The following TMEM154 variants were observed in gnomAD, a reference collection of about 807,000 sequenced individuals.
TMEM154 encodes the protein transmembrane protein 154.
In TMEM154, 27 loss-of-function variants were observed where a neutral mutation model predicts 24.5. That is an observed-to-expected ratio of 1.10 (90% CI 0.81 to 1.52). The LOEUF (loss-of-function observed/expected upper bound fraction) is 1.52, where lower values mean the gene tolerates loss of function less well. Among genes scored for constraint, TMEM154 ranks in the 40% most tolerant of loss-of-function variants. The pLI, the probability that TMEM154 is intolerant of heterozygous loss-of-function variation, is 0.00. For missense variants in TMEM154, 228 were observed against 213.4 expected (o/e 1.07, Z -0.43); for synonymous variants, 67 against 76.8 (o/e 0.87, Z 0.67).
chr4:152,637,619 G>A (rs1752175522), intron 6 of TMEM154, among the ~76,000 whole-genome samples: 2 of 152,032 alleles, frequency 1.3e-5, no homozygotes, highest in South Asian at 4.1e-4. Context: ...TGTGAAACTA[G>A]AAGGACAGAT....
chr4:152,669,943 C>T (rs1728793533), intron 1 of TMEM154: 1 of 152,210 alleles, frequency 6.6e-6, no homozygotes, highest in South Asian at 2.1e-4. Context: ...TTTTCCTCAA[C>T]AACTGGAGTA....
intron 6 of TMEM154, among the ~76,000 whole-genome samples, chr4:152,636,915 T>A (rs895725643): frequency 6.6e-6 from 1 of 152,254 alleles, no homozygotes; most frequent in African/African-American, 2.4e-5. Context: ...GACTGTTACA[T>A]ACTTTCTGAA....
intron 1 of TMEM154, among the ~76,000 whole-genome samples, chr4:152,663,502 G>GAT (rs1305714652): frequency 6.6e-5 from 10 of 152,222 alleles, no homozygotes; most frequent in Admixed American, 1.3e-4. Context: ...TTCATGCCCT[G>GAT]CATGGGACCA....
At chr4:152,673,210 A>T (rs546087291) in intron 1 of TMEM154, among the ~76,000 whole-genome samples, 2 of 152,318 alleles carry the variant, frequency 1.3e-5, no homozygotes. Flanking sequence ...TTGGTTGTTT[A>T]AACATGTTTA....
intron 1 of TMEM154, among the ~76,000 whole-genome samples, chr4:152,661,498 G>T (rs775557441): frequency 5.9e-5 from 9 of 152,110 alleles, no homozygotes; most frequent in Non-Finnish European, 1.3e-4. Flanking sequence ...ACTGAATCTT[G>T]AATGTCTTGC....
chr4:152,661,327 TCTCTCTCTCTC>T lies in TMEM154; in HGVS notation c.65-8411_65-8401del, dbSNP rs1728604728. On this transcript the variant is annotated intron_variant, in intron 1 of 6. Transcript: ENST00000304385. ...CTCTCTCTCTCTCTCTCTCTCTCTC[TCTCTCTCTCTC>T]TCTCCCCCCAACTCTATGATAGCTT... Among the ~76,000 whole-genome samples the T allele has an allele frequency of 7.1e-4, 93 of 130,830 alleles. 1 individual carries two copies. The highest frequency in any genetic ancestry group is 2.4e-3 in the African/African-American group (85 of 35,788). 85.8% of individuals were successfully genotyped at this position (130,830 alleles called of 152,430 possible).
At chr4:152,641,935 T>G (rs868593172) in intron 5 of TMEM154, among the ~76,000 whole-genome samples, 10 of 124,430 alleles carry the variant, frequency 8.0e-5, no homozygotes, top group African/African-American at 1.4e-4. Flanking sequence ...TTTTTTTTTT[T>G]TTGTTGAGAT....
At chr4:152,640,232 G>A (rs777361874) in intron 6 of TMEM154, among the ~76,000 whole-genome samples, 5 of 152,096 alleles carry the variant, frequency 3.3e-5, no homozygotes, top group African/African-American at 4.8e-5. Context: ...ATGAGTGTTT[G>A]CTGCCAACAA....
intron 1 of TMEM154, among the ~76,000 whole-genome samples, chr4:152,665,944 C>T (rs145895628): frequency 4.5e-4 from 69 of 152,158 alleles, no homozygotes; most frequent in African/African-American, 1.5e-3. Context: ...TGCGCCACCA[C>T]GCCTGACTAA....
rs1247859065 is a variant in TMEM154 at position 152,623,123 on chromosome 4, C to T, written c.*5423G>A. 1 of 152,212 alleles carries T rather than the reference C, an allele frequency of 6.6e-6. No individual in the cohort carries two copies. The highest frequency in any genetic ancestry group is 1.5e-5 in the Non-Finnish European group (1 of 68,040). The allele number at this position is 152,212 out of a possible 1,614,324, so 9.4% of individuals were successfully genotyped here. ...AGTGTTGGGAAGTAAGCCACTGTGC[C>T]TGGCTGGGACCACTTCTAATATGAG... On this transcript the variant is annotated 3_prime_UTR_variant, in exon 7 of 7. Transcript: ENST00000304385.
At chr4:152,655,131 A>G (rs1004859205) in intron 1 of TMEM154, among the ~76,000 whole-genome samples, 2 of 152,240 alleles carry the variant, frequency 1.3e-5, no homozygotes, top group Non-Finnish European at 2.9e-5. Context: ...AAAAATACTG[A>G]GTAGATAAGC....
At chr4:152,640,842 A>T in intron 6 of TMEM154, 86 bp downstream of exon 6, 1 of 1,126,970 alleles carries the variant, frequency 8.9e-7, no homozygotes, top group Non-Finnish European at 1.3e-6. Flanking sequence ...GGCACGGAGG[A>T]GGTAAGCAAA....
intron 1 of TMEM154, among the ~76,000 whole-genome samples, chr4:152,659,782 G>A (rs182061514): frequency 3.0e-4 from 46 of 152,238 alleles, no homozygotes; most frequent in Admixed American, 6.5e-4. Flanking sequence ...TGAAATTATC[G>A]GTAGTACTGA....
chr4:152,662,582 G>A (rs1728633405), intron 1 of TMEM154, among the ~76,000 whole-genome samples: 1 of 143,746 alleles, frequency 7.0e-6, no homozygotes, highest in South Asian at 2.2e-4. Context: ...CAAAAGTATG[G>A]ATGCGGAGGG....
At chr4:152,672,691 CA>C (rs920852199) in intron 1 of TMEM154, among the ~76,000 whole-genome samples, 31 of 152,180 alleles carry the variant, frequency 2.0e-4, no homozygotes, top group Admixed American at 2.0e-3. Flanking sequence ...AAGAAGAACT[CA>C]CAGGCTCTCT....
intron 1 of TMEM154, among the ~76,000 whole-genome samples, chr4:152,660,353 T>A (rs1338662806): frequency 2.6e-5 from 4 of 151,976 alleles, no homozygotes; most frequent in Non-Finnish European, 4.4e-5. Flanking sequence ...GGTCAGTGAA[T>A]CTTCCTTGAG....
intron 3 of TMEM154, 21 bp downstream of exon 3, chr4:152,652,517 A>C (rs1210467051): frequency 1.2e-6 from 2 of 1,612,794 alleles, no homozygotes; most frequent in Admixed American, 1.7e-5. Flanking sequence ...ACCTGTAGGC[A>C]GGTTTTAGGA....
At chr4:152,665,336 C>A (rs931784150) in intron 1 of TMEM154, among the ~76,000 whole-genome samples, 1 of 152,216 alleles carries the variant, frequency 6.6e-6, no homozygotes, top group East Asian at 1.9e-4. Flanking sequence ...CACTTCTGGC[C>A]TCCCCTGAGC....
chr4:152,668,306 A>T (rs1432366367), intron 1 of TMEM154: 1 of 152,234 alleles, frequency 6.6e-6, no homozygotes, highest in East Asian at 1.9e-4. Flanking sequence ...GAAAAAAAAA[A>T]AAGGATTATT....
Sources: allele counts gnomAD v4.1 joint callset (sites outside exome capture counted in the v4.1 genomes callset), GRCh38; gene constraint gnomAD v4.1.1; transcripts MANE v1.5; gene names NCBI Gene and HGNC (gene_info 2026-07-23, HGNC 2026-07-21).